TNKS2: variants seen among roughly 807,000 people sequenced by gnomAD.
TNKS2 encodes tankyrase 2, also known as poly [ADP-ribose] polymerase tankyrase-2.
In TNKS2, 72 loss-of-function variants were observed where a neutral mutation model predicts 137.6. The ratio of observed to expected loss-of-function variants is 0.52; its 90% CI spans 0.43 to 0.64. The LOEUF (loss-of-function observed/expected upper bound fraction) is 0.64, where lower values mean the gene tolerates loss of function less well. TNKS2 is among the 30% of genes least tolerant of loss of function. TNKS2 has a pLI of 0.00. For missense variants in TNKS2, 1,049 were observed against 1,410.2 expected (o/e 0.74, Z 4.10); for synonymous variants, 516 against 512.1 (o/e 1.01, Z -0.10).
intron 12 of TNKS2, chr10:91,836,618 T>C (rs893785599): frequency 1.0e-6 from 1 of 985,054 alleles, no homozygotes; most frequent in African/African-American, 1.7e-5. Context: ...TCCAATGGCT[T>C]GCTTATAGAG....
chr10:91,810,398 CAAAA>C, intron 1 of TNKS2, among the ~76,000 whole-genome samples: 1 of 151,386 alleles, frequency 6.6e-6, no homozygotes, highest in East Asian at 2.0e-4. Context: ...ACAACAACAA[CAAAA>C]AAAACCCTGC....
intron 1 of TNKS2, among the ~76,000 whole-genome samples, chr10:91,803,328 C>T (rs1157213082): frequency 2.6e-5 from 4 of 151,952 alleles, no homozygotes; most frequent in South Asian, 2.1e-4. Context: ...GCCTGGGCAA[C>T]AATGGTGACA....
At chr10:91,840,538 G>A (rs975432555) in intron 13 of TNKS2, 23 bp from the exon 14 acceptor site, 3 of 1,565,714 alleles carry the variant, frequency 1.9e-6, no homozygotes, top group African/African-American at 1.4e-5. Context: ...GTAGTATCAT[G>A]TATGTTGTGT....
Position 91,854,295 on chromosome 10 carries a change from T to C in TNKS2, c.2816-734T>C, listed in dbSNP as rs988851275. On this transcript the variant is annotated intron_variant, in intron 21 of 26. Transcript: ENST00000371627. ...AAGAAGAAAATGTGTTACAAACTCA[T>C]TAAGAATAGGAGATAAGAGAAAGAT... 2.6e-5 allele frequency among the ~76,000 whole-genome samples: 4 copies of C among 152,106 alleles called. No homozygotes were observed. The South Asian group carries it at 8.3e-4, about 32-fold the overall frequency.
chr10:91,816,175 C>T (rs1844690197), intron 2 of TNKS2, among the ~76,000 whole-genome samples: 1 of 151,978 alleles, frequency 6.6e-6, no homozygotes, highest in Non-Finnish European at 1.5e-5. Flanking sequence ...GTCTCGATCT[C>T]CTGACCTCAT....
rs1390810922 is a variant in TNKS2 at position 91,857,475 on chromosome 10, A to T, written c.3039A>T (p.Arg1013Ser). ...TATGGGAAAGATACACTCACCGGAG[A>T]AAAGAAGTTTCTGAAGAAAACCACA... The part of the protein sequence containing the change: ...KKLWERYTHR[R>S]KEVSEENHNH... Residue 1013 changes from arginine to serine, a missense_variant, in exon 24 of 27, where the codon AGA (arginine) becomes AGT (serine). Around this residue, in one of 6 missense-constraint regions of TNKS2, gnomAD observed 133 missense variants for 248.4 expected, o/e 0.54. Transcript: ENST00000371627. 1 of 1,612,338 alleles carries T rather than the reference A, an allele frequency of 6.2e-7. No homozygotes were observed. The highest frequency in any genetic ancestry group is 2.2e-5 in the East Asian group (1 of 44,772).
intron 2 of TNKS2, 124 bp from the exon 3 acceptor site, chr10:91,817,010 A>G (rs1589653989): frequency 1.7e-6 from 1 of 577,418 alleles, no homozygotes; most frequent in East Asian, 2.9e-5. Context: ...CATTCTGACA[A>G]GATATGAAAG....
intron 16 of TNKS2, 147 bp downstream of exon 16, chr10:91,842,538 C>T: frequency 1.4e-6 from 1 of 721,336 alleles, no homozygotes; most frequent in Non-Finnish European, 2.3e-6. Flanking sequence ...CTTTATGAGG[C>T]TAAGGCAGGA....
In TNKS2 at chr10:91,827,157, T is replaced by G. The variant is rs760338584; in HGVS notation, c.936T>G (p.Ser312Arg). 9 of 1,593,254 alleles carry G rather than the reference T, an allele frequency of 5.6e-6. No individual in the cohort carries two copies. The highest frequency in any genetic ancestry group is 7.7e-6 in the Non-Finnish European group (9 of 1,169,290). ...CACTGCTCAATTGTCACAATAAAAGTGCTATAGACTTGGCTCCCACACCAC... is the reference window on the plus strand; with the variant it reads ...CACTGCTCAATTGTCACAATAAAAGGGCTATAGACTTGGCTCCCACACCAC... ...DPTLLNCHNK[S>R]AIDLAPTPQL... Residue 312 changes from serine (S) to arginine (R), a missense_variant, in exon 8 of 27, where the codon AGT (serine) becomes AGG (arginine). Around this residue, in one of 6 missense-constraint regions of TNKS2, gnomAD observed 374 missense variants for 460.8 expected, o/e 0.81. Transcript: ENST00000371627.
Position 91,813,142 on chromosome 10 carries a change from G to A in TNKS2, c.359G>A (p.Arg120Gln), listed in dbSNP as rs769033982. The A allele has an allele frequency of 5.8e-5, 93 of 1,613,970 alleles. No individual in the cohort carries two copies. Among genetic ancestry groups the A allele is most frequent in the Non-Finnish European group, 7.5e-5 (88 of 1,180,024 alleles). Residue 120 changes from arginine (R) to glutamine (Q), a missense_variant, in exon 2 of 27, where the codon CGA becomes CAA. By Grantham distance (43) the Arg-to-Gln change is conservative (BLOSUM62 1). Transcript: ENST00000371627. ...LLRHGADPNA[R>Q]DNWNYTPLHE... The stretch of plus-strand genomic sequence containing the variant: ...CGACATGGTGCAGACCCCAATGCTC[G>A]AGATAATTGGAATTATACTCCTCTC...
chr10:91,858,863 G>A (rs1381317411), intron 24 of TNKS2, among the ~76,000 whole-genome samples: 2 of 152,118 alleles, frequency 1.3e-5, no homozygotes, highest in African/African-American at 2.4e-5. Context: ...ACAAAAGTTA[G>A]CCAGGCATGG....
At chr10:91,828,979 A>T (rs1460572194) in intron 9 of TNKS2, among the ~76,000 whole-genome samples, 2 of 152,192 alleles carry the variant, frequency 1.3e-5, no homozygotes, top group Non-Finnish European at 2.9e-5. Context: ...AAGATAAGAG[A>T]GGGAATGGTA....
intron 11 of TNKS2, among the ~76,000 whole-genome samples, chr10:91,831,591 A>G (rs866022198): frequency 6.6e-6 from 1 of 152,150 alleles, no homozygotes; most frequent in African/African-American, 2.4e-5. Context: ...AACTAAGCCA[A>G]AGGACTTGAA....
intron 18 of TNKS2, among the ~76,000 whole-genome samples, chr10:91,846,477 T>C (rs923443944): frequency 3.9e-5 from 6 of 152,206 alleles, no homozygotes; most frequent in African/African-American, 1.4e-4. Context: ...TTCCTTCCCC[T>C]CTCTCCAGAG....
chr10:91,801,266 T>A (rs1203112219), intron 1 of TNKS2, among the ~76,000 whole-genome samples: 1 of 152,192 alleles, frequency 6.6e-6, no homozygotes, highest in African/African-American at 2.4e-5. Flanking sequence ...GAGAGTTAAA[T>A]TCTGTTAATG....
chr10:91,845,037 T>C lies in TNKS2; in HGVS notation c.2169+9T>C, dbSNP rs774778062. 2 of 1,570,928 alleles carry C rather than the reference T, an allele frequency of 1.3e-6. No homozygotes were observed. Among genetic ancestry groups the C allele is most frequent in the African/African-American group, 1.4e-5 (1 of 73,812 alleles). On this transcript the variant is annotated intron_variant, in intron 17 of 26. Coordinates refer to ENST00000371627, the MANE Select transcript of TNKS2 (RefSeq NM_025235.4). ...ATGCAGCATCTTACGGGGTAAGTTC[T>C]TCCGTGTTACCTTTAAAAATTTGTG...
intron 24 of TNKS2, among the ~76,000 whole-genome samples, chr10:91,858,358 TTATC>T (rs1167222708): frequency 6.6e-5 from 10 of 152,208 alleles, no homozygotes; most frequent in South Asian, 6.2e-4. Context: ...GCATATTTAT[TTATC>T]TGTTAATTGA....
intron 7 of TNKS2, among the ~76,000 whole-genome samples, chr10:91,825,588 A>T (rs1845042012): frequency 6.6e-6 from 1 of 152,250 alleles, no homozygotes; most frequent in African/African-American, 2.4e-5. Flanking sequence ...TTGTAACAAC[A>T]GAAGTTCTCT....
intron 1 of TNKS2, chr10:91,807,427 G>A (rs956811478): frequency 3.1e-6 from 5 of 1,613,772 alleles, no homozygotes; most frequent in Non-Finnish European, 4.2e-6. Context: ...TCCCAGGTCT[G>A]GTACTGCGGC....
Sources: allele counts gnomAD v4.1 joint callset (sites outside exome capture counted in the v4.1 genomes callset), GRCh38; gene constraint gnomAD v4.1.1; regional missense constraint gnomAD v4.1.1; transcripts MANE v1.5; gene names NCBI Gene and HGNC (gene_info 2026-07-23, HGNC 2026-07-21).